The following INTS2 variants were observed in gnomAD, a reference collection of about 807,000 sequenced individuals.
INTS2 encodes the protein integrator complex subunit 2.
Under a neutral mutation model 139.6 loss-of-function variants are expected in INTS2, and 57 were observed. The observed-to-expected ratio is 0.41, with a 90% confidence interval of 0.33 to 0.51. The LOEUF is 0.51. Ranked by LOEUF, INTS2 falls within the 20% of genes least tolerant of loss-of-function variation. The probability of loss-of-function intolerance (pLI) is 0.28; values close to 1 mark genes in which losing one functional copy is unlikely to be tolerated. For missense variants in INTS2, 1,196 were observed against 1,436.7 expected (o/e 0.83, Z 2.71); for synonymous variants, 473 against 493.4 (o/e 0.96, Z 0.55).
At position 61,870,071 on chromosome 17, in the gene INTS2, A is replaced by T. The variant is rs970759715; in HGVS notation, c.2779-83T>A. On this transcript the variant is annotated intron_variant, in intron 20 of 24. Transcript: ENST00000251334. The surrounding 1 kb of genome is among the most constrained non-coding windows in gnomAD (Gnocchi z 4.4). Reference sequence around the variant, plus strand: ...TCAGATTTTATTTTCACATGAACAGATATGATAAAATAACTAATTTCTTAA... The same window carrying T: ...TCAGATTTTATTTTCACATGAACAGTTATGATAAAATAACTAATTTCTTAA... 36 of 1,255,312 alleles carry T rather than the reference A, an allele frequency of 2.9e-5. No homozygotes were observed. The highest frequency in any genetic ancestry group is 3.9e-5 in the Non-Finnish European group (36 of 922,862). 77.8% of individuals were successfully genotyped at this position (1,255,312 alleles called of 1,614,324 possible).
At chr17:61,916,023 G>T (rs2079579528) in intron 5 of INTS2, among the ~76,000 whole-genome samples, 2 of 152,038 alleles carry the variant, frequency 1.3e-5, no homozygotes, top group South Asian at 4.2e-4. Flanking sequence ...CAGCAAAAAA[G>T]AGCCTGAATA....
Position 61,872,216 on chromosome 17 carries a change from A to C in INTS2, c.2778+49T>G, listed in dbSNP as rs775003775. The C allele has an allele frequency of 3.4e-5, 45 of 1,339,224 alleles. No individual in the cohort carries two copies. Among genetic ancestry groups the C allele is most frequent in the Non-Finnish European group, 4.5e-5 (43 of 946,762 alleles). 83.0% of individuals were successfully genotyped at this position (1,339,224 alleles called of 1,614,324 possible). A position where few individuals can be genotyped will look rare whatever the true frequency, so the allele number is the denominator to read the frequency against. On this transcript the variant is annotated intron_variant, in intron 20 of 24. Transcript: ENST00000251334. This position sits in a 1 kb window ranked among gnomAD's most constrained non-coding sequence, Gnocchi z 4.8. ...CATCTATTGAACTGATTATACTAGT[A>C]GAGAAGCCCTTGCTCTTTTTGACTA...
At chr17:61,910,466 A>G (rs868465737) in intron 7 of INTS2, 86 of 152,148 alleles carry the variant, frequency 5.7e-4, no homozygotes, top group African/African-American at 2.0e-3. Flanking sequence ...GGTGGTGGGC[A>G]CCTGTAATCC....
chr17:61,900,699 T>G (rs1205640936), intron 9 of INTS2, among the ~76,000 whole-genome samples: 3 of 152,194 alleles, frequency 2.0e-5, no homozygotes, highest in African/African-American at 7.2e-5. Context: ...GGCTCACACC[T>G]GTAATCCCAG....
chr17:61,911,629 G>T lies in INTS2; in HGVS notation c.845C>A (p.Ala282Asp). 1 of 1,613,836 alleles carries T rather than the reference G, an allele frequency of 6.2e-7. No homozygotes were observed. Among genetic ancestry groups the T allele is most frequent in the Non-Finnish European group, 8.5e-7 (1 of 1,179,836 alleles). Residue 282 changes from alanine (A) to aspartate (D), a missense_variant, in exon 7 of 25, where the codon GCT becomes GAT. By Grantham distance (126) the Ala-to-Asp change is moderately radical. Coordinates refer to ENST00000251334, the MANE Select transcript of INTS2 (RefSeq NM_001351695.2). ...CAAGTCACTCACTCCATCCTCACAA[G>T]CTTCATTTTTAGTATGATCCAATGT... ...ALTLDHTKNE[A>D]CEDGVSDLVC... is the part of the protein sequence containing the mutation.
rs1323140359 is a variant in INTS2, at chr17:61,893,395, T to C, written c.1698+370A>G. ...GGGAGAAAGCATTAATTTAGGTTGT[T>C]CTTTGAAATATAAATGTAGGCCAGG... On this transcript the variant is annotated intron_variant, in intron 13 of 24. Transcript: ENST00000251334. This position sits in a 1 kb window ranked among gnomAD's most constrained non-coding sequence, Gnocchi z 5.4. 1.3e-5 allele frequency among the ~76,000 whole-genome samples: 2 copies of C among 152,086 alleles called. No individual in the cohort carries two copies. The highest frequency in any genetic ancestry group is 2.9e-5 in the Non-Finnish European group (2 of 68,024).
At chr17:61,888,495 A>G (rs1273941627) in intron 15 of INTS2, among the ~76,000 whole-genome samples, 1 of 151,944 alleles carries the variant, frequency 6.6e-6, no homozygotes, top group East Asian at 1.9e-4. Flanking sequence ...TGACCTTCTG[A>G]TATTATGTGA....
chr17:61,919,576 AT>A (rs949700277), intron 4 of INTS2, 63 bp from the exon 5 acceptor site: 60 of 832,834 alleles, frequency 7.2e-5, no homozygotes, highest in Non-Finnish European at 9.2e-5. Flanking sequence ...CACCCAGCTA[AT>A]TTTTTTTATT....
intron 16 of INTS2, among the ~76,000 whole-genome samples, chr17:61,881,408 C>A (rs958981131): frequency 1.3e-5 from 2 of 152,090 alleles, no homozygotes; most frequent in Non-Finnish European, 2.9e-5. Flanking sequence ...ACCAGCCTGG[C>A]CAACATGGCA....
intron 17 of INTS2, 58 bp downstream of exon 17, chr17:61,880,949 G>T: frequency 7.7e-7 from 1 of 1,305,970 alleles, no homozygotes; most frequent in Admixed American, 1.9e-5. Flanking sequence ...ATTTCAATTA[G>T]CCTAGCATCT....
At chr17:61,923,267 G>T (rs2079667590) in intron 3 of INTS2, among the ~76,000 whole-genome samples, 1 of 151,162 alleles carries the variant, frequency 6.6e-6, no homozygotes, top group Non-Finnish European at 1.5e-5. Flanking sequence ...CACGAGATCA[G>T]GAGATCGAGA....
chr17:61,923,307 C>T (rs2079668876), intron 3 of INTS2, among the ~76,000 whole-genome samples: 2 of 151,044 alleles, frequency 1.3e-5, no homozygotes, highest in Non-Finnish European at 1.5e-5. Flanking sequence ...GAAACCCCGT[C>T]TCTACTAAAA....
rs1387084001 is a variant in INTS2 at position 61,871,798 on chromosome 17, G to C, written c.2778+467C>G. ...AAAATACAAAAATTAGCCAGGTGTG[G>C]TGGCATGTGCCTGTAGTCCCAGCTA... On this transcript the variant is annotated intron_variant, in intron 20 of 24. Transcript: ENST00000251334. The surrounding 1 kb of genome is among the most constrained non-coding windows in gnomAD (Gnocchi z 4.9). 6.6e-6 allele frequency among the ~76,000 whole-genome samples: 1 copy of C among 152,144 alleles called. No homozygotes were observed. The highest frequency in any genetic ancestry group is 1.9e-4 in the East Asian group (1 of 5,152).
intron 4 of INTS2, among the ~76,000 whole-genome samples, chr17:61,920,368 G>A (rs1469364340): frequency 6.6e-6 from 1 of 151,460 alleles, no homozygotes; most frequent in Non-Finnish European, 1.5e-5. Context: ...TTTTAGTAGA[G>A]ACAGGGTTTC....
At chr17:61,902,088 G>A (rs2079412834) in intron 9 of INTS2, among the ~76,000 whole-genome samples, 1 of 152,136 alleles carries the variant, frequency 6.6e-6, no homozygotes, top group African/African-American at 2.4e-5. Flanking sequence ...AGTGTTGTCA[G>A]GAAGTCTGAC....
Position 61,874,827 on chromosome 17 carries a change from T to C in INTS2, c.2582+86A>G, listed in dbSNP as rs1314136578. ...TACTTATCTGCAAGAAAAATTAAAA[T>C]ATAAGTTTAAACTGAATTTCATCAA... On this transcript the variant is annotated intron_variant, in intron 19 of 24. Transcript: ENST00000251334. The C allele has an allele frequency of 5.3e-6, 6 of 1,134,608 alleles. No homozygotes were observed. The East Asian group carries it at 9.1e-5, about 17-fold the overall frequency. The allele number at this position is 1,134,608 out of a possible 1,614,324, so 70.3% of individuals were successfully genotyped here.
In INTS2 at chr17:61,918,000, G is replaced by A. The variant is rs796876604; in HGVS notation, c.649+1400C>T. Among the ~76,000 whole-genome samples, 6 of 152,038 alleles carry A rather than the reference G, an allele frequency of 3.9e-5. 1 individual carries two copies. The South Asian group carries it at 1.0e-3, about 26-fold the overall frequency. On this transcript the variant is annotated intron_variant, in intron 5 of 24. Coordinates refer to ENST00000251334, the MANE Select transcript of INTS2 (RefSeq NM_001351695.2). ...CTAAATGCATATAAACCCAACAAAA[G>A]AGCTTTGAAATACATGAAGCAAAAA...
intron 5 of INTS2, among the ~76,000 whole-genome samples, chr17:61,916,016 C>CA (rs1458111760): frequency 6.6e-6 from 1 of 151,932 alleles, no homozygotes; most frequent in Non-Finnish European, 1.5e-5. Context: ...GTTCACACAG[C>CA]AAAAAAGAGC....
At chr17:61,896,047 C>A (rs1272283763) in intron 11 of INTS2, among the ~76,000 whole-genome samples, 1 of 152,006 alleles carries the variant, frequency 6.6e-6, no homozygotes, top group Admixed American at 6.6e-5. Context: ...CGACACCATC[C>A]TGGCTAACAC....
Sources: allele counts gnomAD v4.1 joint callset (sites outside exome capture counted in the v4.1 genomes callset), GRCh38; gene constraint gnomAD v4.1.1; non-coding constraint Gnocchi (gnomAD v3.1); transcripts MANE v1.5; gene names NCBI Gene and HGNC (gene_info 2026-07-23, HGNC 2026-07-21).